The following MAP6 variants were observed in gnomAD, a reference collection of about 807,000 sequenced individuals.
MAP6 encodes the protein microtubule-associated protein 6.
In MAP6, 26 loss-of-function variants were observed where a neutral mutation model predicts 42.4. The ratio of observed to expected loss-of-function variants is 0.61; its 90% CI spans 0.45 to 0.85. The LOEUF (loss-of-function observed/expected upper bound fraction) is 0.85, where lower values mean the gene tolerates loss of function less well. Among genes scored for constraint, MAP6 ranks in the 40% least tolerant of loss-of-function variants. MAP6 has a pLI of 0.00. For missense variants in MAP6, 966 were observed against 1,099.0 expected (o/e 0.88, Z 1.71); for synonymous variants, 418 against 443.8 (o/e 0.94, Z 0.73).
At position 75,653,115 on chromosome 11, in the gene MAP6, A is replaced by G. The variant is rs572209449; in HGVS notation, c.905+14350T>C. On this transcript the variant is annotated intron_variant, in intron 1 of 3. Coordinates refer to ENST00000304771, the MANE Select transcript of MAP6 (RefSeq NM_033063.2). ...GTGGCTCACTCAATCCACAAGGGAG[A>G]ATGTGGTCATCAGGAAGCTCTGAGA... Among the ~76,000 whole-genome samples the G allele has an allele frequency of 2.6e-5, 4 of 152,188 alleles. No homozygotes were observed. In the East Asian group the frequency reaches 7.7e-4, roughly 29 times the overall value.
At chr11:75,601,743 G>A (rs555570961) in intron 3 of MAP6, among the ~76,000 whole-genome samples, 1 of 148,862 alleles carries the variant, frequency 6.7e-6, no homozygotes, top group East Asian at 2.0e-4. Context: ...CCACCACCGA[G>A]CTCTGTCACT....
At chr11:75,641,691 T>C (rs1007483911) in intron 1 of MAP6, among the ~76,000 whole-genome samples, 15 of 152,190 alleles carry the variant, frequency 9.9e-5, no homozygotes, top group African/African-American at 3.6e-4. Flanking sequence ...TGATCCAGTA[T>C]TTCCAGGGCA....
At chr11:75,635,688 C>CTGAA (rs1281641688) in intron 1 of MAP6, among the ~76,000 whole-genome samples, 6 of 152,222 alleles carry the variant, frequency 3.9e-5, no homozygotes, top group Non-Finnish European at 7.3e-5. Context: ...GGTTCCTTGG[C>CTGAA]TTCATTCCTT....
At chr11:75,643,501 A>G (rs1943509198) in intron 1 of MAP6, among the ~76,000 whole-genome samples, 5 of 152,228 alleles carry the variant, frequency 3.3e-5, no homozygotes, top group Admixed American at 2.6e-4. Context: ...TAAATGTAGA[A>G]GACAAACCTC....
At chr11:75,598,297 T>C (rs1444207599) in intron 3 of MAP6, among the ~76,000 whole-genome samples, 1 of 152,216 alleles carries the variant, frequency 6.6e-6, no homozygotes, top group African/African-American at 2.4e-5. Flanking sequence ...CCAGGCCTGT[T>C]GGTTATAATC....
chr11:75,602,216 C>G (rs1222564202), intron 3 of MAP6, among the ~76,000 whole-genome samples: 2 of 152,066 alleles, frequency 1.3e-5, no homozygotes, highest in Admixed American at 1.3e-4. Context: ...CTTACATATC[C>G]ACACCCCAGC....
intron 1 of MAP6, among the ~76,000 whole-genome samples, chr11:75,659,717 TAC>T (rs1943810735): frequency 6.6e-6 from 1 of 152,240 alleles, no homozygotes; most frequent in East Asian, 1.9e-4. Context: ...TTTACATTAA[TAC>T]AGTTGACACA....
chr11:75,649,173 T>C lies in MAP6; in HGVS notation c.905+18292A>G, dbSNP rs989328577. 1.3e-5 allele frequency among the ~76,000 whole-genome samples: 2 copies of C among 151,948 alleles called. 1 individual carries two copies. ...ATAGGGAAATAAATAATATGTGATA[T>C]TGTCATATGATGGCAGATTTATACA... On this transcript the variant is annotated intron_variant, in intron 1 of 3. Coordinates refer to ENST00000304771, the MANE Select transcript of MAP6 (RefSeq NM_033063.2).
At chr11:75,618,767 C>T (rs1013514757) in intron 1 of MAP6, among the ~76,000 whole-genome samples, 9 of 152,180 alleles carry the variant, frequency 5.9e-5, no homozygotes, top group African/African-American at 2.2e-4. Context: ...CAGAGGCCCC[C>T]CTAAATTGAC....
rs1369715571 is a variant in MAP6 at position 75,587,176 on chromosome 11, G to T, written c.2325C>A (p.Val775=). The part of the protein sequence containing the change: ...PVPAKDQGPA[V]PEPLKTQGPR... ...GACCTTGAGTCTTCAGAGGTTCAGG[G>T]ACTGCAGGACCTTGGTCCTTTGCTG... The change falls in exon 4 of 4, where the codon GTC becomes GTA. Residue 775 remains valine, a synonymous_variant. Transcript: ENST00000304771. 1 of 1,614,042 alleles carries T rather than the reference G, an allele frequency of 6.2e-7. No homozygotes were observed. Among genetic ancestry groups the T allele is most frequent in the African/African-American group, 1.3e-5 (1 of 74,896 alleles).
intron 1 of MAP6, among the ~76,000 whole-genome samples, chr11:75,616,511 G>A (rs903349362): frequency 2.1e-4 from 32 of 152,324 alleles, no homozygotes; most frequent in Non-Finnish European, 4.0e-4. Flanking sequence ...CATCTCCTTC[G>A]TGCACTCTGA....
At chr11:75,665,401 A>G (rs1943930412) in intron 1 of MAP6, among the ~76,000 whole-genome samples, 1 of 152,216 alleles carries the variant, frequency 6.6e-6, no homozygotes, top group Admixed American at 6.5e-5. Context: ...TGAAATCATA[A>G]ACTGAGTAGG....
chr11:75,617,968 A>C (rs1197689572), intron 1 of MAP6, among the ~76,000 whole-genome samples: 1 of 152,184 alleles, frequency 6.6e-6, no homozygotes, highest in Non-Finnish European at 1.5e-5. Context: ...GAAATGTTGA[A>C]GGCAGAAAAG....
rs1031518086 is a variant in MAP6, at chr11:75,667,558, G to A, written c.812C>T (p.Thr271Ile). 6.1e-6 allele frequency: 9 copies of A among 1,481,648 alleles called. No individual in the cohort carries two copies. Among genetic ancestry groups the A allele is most frequent in the East Asian group, 2.9e-5 (1 of 34,152 alleles). The allele number at this position is 1,481,648 out of a possible 1,614,324, so 91.8% of individuals were successfully genotyped here. ...GCGCCCCCTGCCAGCCTCGGGGCCG[G>A]TGGCCTGGACCTGGGCCTGGGCCGC... is the stretch of plus-strand genomic sequence containing the variant. ...LPAAQAQVQA[T>I]GPEAGRGRAA... is the part of the protein sequence containing the mutation. The change falls in exon 1 of 4, where the codon ACC (threonine) becomes ATC (isoleucine). Residue 271 changes from threonine (T) to isoleucine (I), a missense_variant. Physicochemically the swap from Thr to Ile is moderately conservative, Grantham distance 89 (BLOSUM62 -1). Around this residue, in one of 2 missense-constraint regions of MAP6, gnomAD observed 943 missense variants for 1,049.9 expected, o/e 0.90. Coordinates refer to ENST00000304771, the MANE Select transcript of MAP6 (RefSeq NM_033063.2). The surrounding 1 kb of genome is among the most constrained non-coding windows in gnomAD (Gnocchi z 5.6).
intron 1 of MAP6, among the ~76,000 whole-genome samples, chr11:75,662,766 C>G (rs1030804443): frequency 1.3e-5 from 2 of 152,142 alleles, no homozygotes; most frequent in Non-Finnish European, 2.9e-5. Context: ...GGCTACACCC[C>G]AGACCAATGA....
At chr11:75,601,075 C>T (rs1354156902) in intron 3 of MAP6, among the ~76,000 whole-genome samples, 4 of 152,188 alleles carry the variant, frequency 2.6e-5, no homozygotes, top group East Asian at 1.9e-4. Context: ...GAACCACAGG[C>T]GGAAGAGCCC....
rs1253629541 is a variant in MAP6 at position 75,667,427 on chromosome 11, G to A, written c.905+38C>T. 7.0e-7 allele frequency: 1 copy of A among 1,429,736 alleles called. No homozygotes were observed. Among genetic ancestry groups the A allele is most frequent in the Admixed American group, 2.7e-5 (1 of 36,758 alleles). The allele number at this position is 1,429,736 out of a possible 1,614,324, so 88.6% of individuals were successfully genotyped here. The stretch of plus-strand genomic sequence containing the variant: ...CGGGCAGCCCGCGGGGAGGGTCTGC[G>A]TGGTGACTCCCCCGCGCTAGCAGCG... On this transcript the variant is annotated intron_variant, in intron 1 of 3. Transcript: ENST00000304771. The surrounding 1 kb of genome is among the most constrained non-coding windows in gnomAD (Gnocchi z 5.6).
At chr11:75,643,925 T>C (rs1015647771) in intron 1 of MAP6, among the ~76,000 whole-genome samples, 3 of 152,218 alleles carry the variant, frequency 2.0e-5, no homozygotes, top group African/African-American at 7.2e-5. Context: ...GATGGATGAT[T>C]TGAAAAGCAG....
chr11:75,613,596 C>T (rs1248754976), intron 1 of MAP6, among the ~76,000 whole-genome samples: 5 of 152,102 alleles, frequency 3.3e-5, no homozygotes, highest in Non-Finnish European at 7.4e-5. Context: ...GGCCCGCTGT[C>T]CCCTCCACAA....
Sources: allele counts gnomAD v4.1 joint callset (sites outside exome capture counted in the v4.1 genomes callset), GRCh38; gene constraint gnomAD v4.1.1; regional missense constraint gnomAD v4.1.1; non-coding constraint Gnocchi (gnomAD v3.1); transcripts MANE v1.5; gene names NCBI Gene and HGNC (gene_info 2026-07-23, HGNC 2026-07-21).